The following DLC1 variants were observed in gnomAD, a reference collection of about 807,000 sequenced individuals.
The protein encoded by DLC1 is rho GTPase-activating protein 7.
Under a neutral mutation model 140.3 loss-of-function variants are expected in DLC1, and 54 were observed. The observed-to-expected ratio is 0.38, with a 90% CI of 0.31 to 0.48. The LOEUF (loss-of-function observed/expected upper bound fraction) is 0.48. Among genes scored for constraint, DLC1 ranks in the 20% least tolerant of loss-of-function variants. DLC1 has a pLI of 0.96. For synonymous variants in DLC1, 986 were observed against 728.1 expected (o/e 1.35, Z -5.70); for missense variants, 2,536 against 1,907.0 (o/e 1.33, Z -6.14).
chr8:13,282,569 T>C (rs1012717044), intron 5 of DLC1, among the ~76,000 whole-genome samples: 4 of 152,210 alleles, frequency 2.6e-5, no homozygotes, highest in Non-Finnish European at 5.9e-5. Context: ...TTAGATACAG[T>C]TAAAACTTCA....
In DLC1 at chr8:13,289,806, G is replaced by C. The variant is rs530257115; in HGVS notation, c.1348+15463C>G. Among the ~76,000 whole-genome samples, 34 of 152,222 alleles carry C rather than the reference G, an allele frequency of 2.2e-4. 1 individual carries two copies. Among genetic ancestry groups the C allele is most frequent in the Non-Finnish European group, 2.1e-4 (14 of 68,022 alleles). On this transcript the variant is annotated intron_variant, in intron 5 of 17. Transcript: ENST00000276297. Reference sequence around the variant, plus strand: ...TTGAATGTGAGTGGCGTGACACCCAGCTTCTCATTGTACAGCCCCATTCTC... The same window carrying C: ...TTGAATGTGAGTGGCGTGACACCCACCTTCTCATTGTACAGCCCCATTCTC...
chr8:13,382,503 C>T, intron 4 of DLC1, among the ~76,000 whole-genome samples: 1 of 7,976 alleles, frequency 1.3e-4, no homozygotes, highest in African/African-American at 5.3e-4. Flanking sequence ...GAGACTCCGT[C>T]TCAAAAAAAA....
intron 4 of DLC1, among the ~76,000 whole-genome samples, chr8:13,324,792 T>C (rs1833270960): frequency 6.6e-6 from 1 of 152,198 alleles, no homozygotes; most frequent in Non-Finnish European, 1.5e-5. Context: ...TTGAAAATTT[T>C]GGATTTAAGC....
At chr8:13,422,408 T>C (rs927289684) in intron 2 of DLC1, among the ~76,000 whole-genome samples, 11 of 152,114 alleles carry the variant, frequency 7.2e-5, no homozygotes, top group African/African-American at 2.2e-4. Flanking sequence ...ATTGCTTTTT[T>C]TTTTTCTTAC....
At chr8:13,353,706 A>T (rs1834784419) in intron 4 of DLC1, among the ~76,000 whole-genome samples, 1 of 152,028 alleles carries the variant, frequency 6.6e-6, no homozygotes, top group African/African-American at 2.4e-5. Flanking sequence ...AAAATATAAA[A>T]GTTAGCCAGG....
chr8:13,254,464 T>A (rs1038996424), intron 5 of DLC1, among the ~76,000 whole-genome samples: 1 of 152,190 alleles, frequency 6.6e-6, no homozygotes, highest in East Asian at 1.9e-4. Flanking sequence ...GGAAACAAAC[T>A]ATAACCTATA....
At chr8:13,345,268 C>T (rs1217947770) in intron 4 of DLC1, among the ~76,000 whole-genome samples, 1 of 152,046 alleles carries the variant, frequency 6.6e-6, no homozygotes, top group East Asian at 1.9e-4. Flanking sequence ...TGTATTCCAC[C>T]TAAAATGTCA....
At chr8:13,093,549 G>A (rs1027514846) in intron 12 of DLC1, among the ~76,000 whole-genome samples, 4 of 152,158 alleles carry the variant, frequency 2.6e-5, no homozygotes, top group African/African-American at 7.2e-5. Flanking sequence ...TGCTGATCCC[G>A]ATCTTCAGGT....
At chr8:13,228,931 A>T (rs549674157) in intron 5 of DLC1, among the ~76,000 whole-genome samples, 2 of 152,170 alleles carry the variant, frequency 1.3e-5, no homozygotes, top group Non-Finnish European at 2.9e-5. Flanking sequence ...AAAATGACAG[A>T]TTATAACAAG....
chr8:13,384,210 C>G (rs79792549), intron 4 of DLC1, among the ~76,000 whole-genome samples: 7,786 of 152,250 alleles, frequency 0.051, 237 homozygotes, highest in South Asian at 0.067. Flanking sequence ...CCAGTGAGAA[C>G]TTTCCTGTTC....
intron 1 of DLC1, among the ~76,000 whole-genome samples, chr8:13,527,796 A>G (rs1390051037): frequency 1.3e-5 from 2 of 152,152 alleles, no homozygotes; most frequent in Non-Finnish European, 2.9e-5. Context: ...AACAGCATCT[A>G]TTATACGTGA....
intron 1 of DLC1, among the ~76,000 whole-genome samples, chr8:13,601,418 G>A (rs939078283): frequency 5.3e-5 from 8 of 151,666 alleles, no homozygotes; most frequent in Non-Finnish European, 1.0e-4. Flanking sequence ...AAATGCCAGT[G>A]TTTCAGCATG....
At chr8:13,217,561 A>G (rs1372402421) in intron 5 of DLC1, among the ~76,000 whole-genome samples, 1 of 152,146 alleles carries the variant, frequency 6.6e-6, no homozygotes, top group African/African-American at 2.4e-5. Context: ...ACTGGCTGGC[A>G]TGGTGGCTCA....
At chr8:13,536,015 G>C (rs1035460835) in intron 1 of DLC1, 1 of 152,106 alleles carries the variant, frequency 6.6e-6, no homozygotes. Flanking sequence ...TAACACCAAG[G>C]AGAACAACAA....
rs1410622962 is a variant in DLC1, at chr8:13,579,591, T to C, written c.-126+24946A>G. Among the ~76,000 whole-genome samples, 4 of 134,202 alleles carry C rather than the reference T, an allele frequency of 3.0e-5. No individual in the cohort carries two copies. In the East Asian group the frequency reaches 6.0e-4, roughly 20 times the overall value. 88.0% of individuals were successfully genotyped at this position (134,202 alleles called of 152,430 possible). On this transcript the variant is annotated intron_variant, in intron 1 of 1. Transcript: ENST00000631382. ...ATATTTAATATATTATATTTTATAT[T>C]ATATATTTAATATATTATATTTTAT... is the stretch of plus-strand genomic sequence containing the variant.
At chr8:13,386,890 C>G (rs1344939997) in intron 4 of DLC1, among the ~76,000 whole-genome samples, 1 of 151,852 alleles carries the variant, frequency 6.6e-6, no homozygotes, top group East Asian at 1.9e-4. Flanking sequence ...AGGATCTTAC[C>G]AACAGAAGCA....
chr8:13,530,702 C>A (rs992794535), intron 1 of DLC1, among the ~76,000 whole-genome samples: 2 of 152,046 alleles, frequency 1.3e-5, no homozygotes, highest in Non-Finnish European at 2.9e-5. Flanking sequence ...ACATATTGTT[C>A]CAATTTTACA....
intron 4 of DLC1, among the ~76,000 whole-genome samples, chr8:13,371,934 T>A (rs1465990492): frequency 1.3e-5 from 2 of 152,146 alleles, no homozygotes; most frequent in South Asian, 2.1e-4. Flanking sequence ...TGTTCACTAC[T>A]GAGGAAGTAT....
chr8:13,589,382 C>T lies in DLC1; in HGVS notation c.-126+15155G>A, dbSNP rs145073414. 5.6e-3 allele frequency among the ~76,000 whole-genome samples: 847 copies of T among 152,188 alleles called. 9 individuals are homozygous for T. The highest frequency in any genetic ancestry group is 0.019 in the African/African-American group (793 of 41,546). On this transcript the variant is annotated intron_variant, in intron 1 of 1. Transcript: ENST00000631382. ...GTTACAACAGCAAGGCACAATGAGTCTCCATTTCTCCTGAGAAAATTCTAG... is the reference window on the plus strand; with the variant it reads ...GTTACAACAGCAAGGCACAATGAGTTTCCATTTCTCCTGAGAAAATTCTAG...
Sources: gnomAD v4.1 joint callset for allele counts (sites outside exome capture counted in the v4.1 genomes callset) on GRCh38, gnomAD v4.1.1 for gene constraint, MANE v1.5 for transcripts, NCBI Gene and HGNC (gene_info 2026-07-23, HGNC 2026-07-21) for gene names.